Variants in UNC13A observed in about 807,000 individuals in gnomAD.
UNC13A encodes the protein unc-13 homolog A, also known as protein unc-13 homolog A.
A neutral mutation model predicts 219.7 loss-of-function variants in UNC13A; 61 were observed. That is an observed-to-expected ratio of 0.28 (90% CI 0.23 to 0.34). UNC13A has a LOEUF of 0.34. Among genes scored for constraint, UNC13A ranks in the 10% least tolerant of loss-of-function variants. UNC13A has a pLI of 1.00. For synonymous variants in UNC13A, 920 were observed against 884.6 expected, an observed-to-expected ratio of 1.04 and a Z score of -0.71; for missense variants, 1,476 against 2,270.3, an observed-to-expected ratio of 0.65 and a Z score of 7.11.
intron 21 of UNC13A, 95 bp downstream of exon 21, chr19:17,641,298 G>C: frequency 1.3e-6 from 2 of 1,498,510 alleles, no homozygotes; most frequent in Non-Finnish European, 1.8e-6. Flanking sequence ...CTTCCTCTCT[G>C]GGTCTTCCCC....
intron 7 of UNC13A, among the ~76,000 whole-genome samples, chr19:17,663,887 C>T (rs902518964): frequency 6.6e-6 from 1 of 151,988 alleles, no homozygotes; most frequent in Non-Finnish European, 1.5e-5. Context: ...CCTCCAATTT[C>T]CAAGCTCAAG....
At chr19:17,639,033 C>T in intron 25 of UNC13A, 50 bp downstream of exon 25, 1 of 1,525,470 alleles carries the variant, frequency 6.6e-7, no homozygotes, top group East Asian at 2.5e-5. Context: ...GGACTGAAGC[C>T]TGTGTCTAGT....
intron 8 of UNC13A, among the ~76,000 whole-genome samples, chr19:17,661,194 C>T (rs2079545560): frequency 6.6e-6 from 1 of 151,794 alleles, no homozygotes; most frequent in Non-Finnish European, 1.5e-5. Flanking sequence ...CCGCCTCAGC[C>T]TCCCAAAGTG....
At chr19:17,653,959 TG>T (rs2079402092) in intron 11 of UNC13A, among the ~76,000 whole-genome samples, 1 of 151,770 alleles carries the variant, frequency 6.6e-6, no homozygotes, top group South Asian at 2.1e-4. Flanking sequence ...CCCGAGTAGC[TG>T]GGACTACAGG....
Position 17,655,363 on chromosome 19 carries a change from C to T in UNC13A, c.1303G>A (p.Glu435Lys), listed in dbSNP as rs1318118345. The change falls in exon 11 of 44, where the codon GAG becomes AAG. Residue 435 changes from glutamate (E) to lysine (K), a missense_variant. Physicochemically the swap from Glu to Lys is moderately conservative, Grantham distance 56. Coordinates refer to ENST00000519716, the MANE Select transcript of UNC13A (RefSeq NM_001080421.3). ...GAGTCCTGCCCCTCCTGGCCTTCCT[C>T]ATCCTCTCTCGGCCTGAAACTGAGG... The part of the protein sequence containing the change: ...DEESFRPRED[E>K]EGQEGQDSMS... The T allele has an allele frequency of 1.9e-6, 3 of 1,585,740 alleles. No homozygotes were observed. Among genetic ancestry groups the T allele is most frequent in the Non-Finnish European group, 1.7e-6 (2 of 1,166,350 alleles).
At chr19:17,669,723 C>G (rs998712826) in intron 4 of UNC13A, 47 bp from the exon 5 acceptor site, 30 of 1,565,386 alleles carry the variant, frequency 1.9e-5, no homozygotes, top group Middle Eastern at 3.7e-4. Context: ...CTGCTGGTCA[C>G]TAGTCCCCAG....
Position 17,639,070 on chromosome 19 carries a change from T to A in UNC13A, c.3081+13A>T, listed in dbSNP as rs2076940543. ...GGCATCACTGTTCCCTTCTGACCCA[T>A]CTGGAGTCTCACCGGGTCTGTCTGG... is the stretch of plus-strand genomic sequence containing the variant. On this transcript the variant is annotated intron_variant, in intron 25 of 43. Coordinates refer to ENST00000519716, the MANE Select transcript of UNC13A (RefSeq NM_001080421.3). The A allele has an allele frequency of 6.4e-7, 1 of 1,573,752 alleles. No individual in the cohort carries two copies. The highest frequency in any genetic ancestry group is 8.6e-7 in the Non-Finnish European group (1 of 1,159,116).
intron 42 of UNC13A, among the ~76,000 whole-genome samples, chr19:17,610,645 A>C (rs1237700924): frequency 6.6e-6 from 1 of 152,214 alleles, no homozygotes; most frequent in Non-Finnish European, 1.5e-5. Flanking sequence ...CTTAAAAGGC[A>C]GGGAGTGAAC....
intron 25 of UNC13A, among the ~76,000 whole-genome samples, chr19:17,637,172 G>A (rs566909597): frequency 5.3e-5 from 8 of 151,812 alleles, no homozygotes; most frequent in Non-Finnish European, 1.0e-4. Flanking sequence ...ATAGGGTCTC[G>A]CTATGTTGCC....
intron 12 of UNC13A, among the ~76,000 whole-genome samples, 167 bp downstream of exon 12, chr19:17,652,464 C>T (rs572887251): frequency 1.3e-5 from 2 of 152,232 alleles, no homozygotes; most frequent in South Asian, 2.1e-4. Context: ...TTTGTGTCTG[C>T]GTATGGCTGT....
rs144699654 is a variant in UNC13A, at chr19:17,658,389, G to A, written c.560-120C>T. ...GAAGAAGAGAATTTTTTACTAGTAT[G>A]GATAAAGAATTGTGGGTCATGTTAA... On this transcript the variant is annotated intron_variant, in intron 8 of 43. Transcript: ENST00000519716. 4.2e-5 allele frequency: 39 copies of A among 927,244 alleles called. No homozygotes were observed. The African/African-American group carries it at 5.9e-4, about 14-fold the overall frequency. The allele number at this position is 927,244 out of a possible 1,614,324, so 57.4% of individuals were successfully genotyped here.
At position 17,656,407 on chromosome 19, in the gene UNC13A, A is replaced by G. The variant is rs753265889; in HGVS notation, c.768-9T>C. The G allele has an allele frequency of 1.8e-5, 27 of 1,510,598 alleles. No homozygotes were observed. In the African/African-American group the frequency reaches 3.4e-4, roughly 19 times the overall value. 93.6% of individuals were successfully genotyped at this position (1,510,598 alleles called of 1,614,324 possible). ...GGCTGCTACCCGTGGGGCTGTGGGG[A>G]TGGAACAGGGTTCAGGGACTGGGGT... On this transcript the variant is annotated splice_polypyrimidine_tract_variant and intron_variant, in intron 9 of 43. Transcript: ENST00000519716.
At chr19:17,663,598 G>A (rs1248850269) in intron 7 of UNC13A, 31 bp from the exon 8 acceptor site, 1 of 1,595,336 alleles carries the variant, frequency 6.3e-7, no homozygotes, top group Admixed American at 1.8e-5. Flanking sequence ...AATAATAAAA[G>A]GGAGCAGACA....
intron 1 of UNC13A, among the ~76,000 whole-genome samples, chr19:17,687,328 TC>T (rs1263724631): frequency 6.6e-6 from 1 of 151,872 alleles, no homozygotes; most frequent in East Asian, 1.9e-4. Context: ...TCTCCCTCCC[TC>T]CCTCTCTCCA....
At chr19:17,641,589 G>T in intron 20 of UNC13A, 33 bp from the exon 21 acceptor site, 1 of 1,603,258 alleles carries the variant, frequency 6.2e-7, no homozygotes, top group Non-Finnish European at 8.5e-7. Flanking sequence ...GTCATGGAGA[G>T]TGCAAGGGGT....
At chr19:17,663,384 G>T in intron 8 of UNC13A, 148 bp downstream of exon 8, 1 of 714,418 alleles carries the variant, frequency 1.4e-6, no homozygotes, top group Middle Eastern at 3.8e-4. Flanking sequence ...AGGAAAGCTT[G>T]AAAGGGGTCT....
chr19:17,610,115 G>C lies in UNC13A; in HGVS notation c.4652-16C>G. The stretch of plus-strand genomic sequence containing the variant: ...GCAGCCACCACTGTTGGAGGAAGTA[G>C]AGGGTAAGACAGGTCAGGTTCTCCC... On this transcript the variant is annotated splice_polypyrimidine_tract_variant and intron_variant, in intron 42 of 43. Coordinates refer to ENST00000519716, the MANE Select transcript of UNC13A (RefSeq NM_001080421.3). The C allele has an allele frequency of 6.2e-6, 10 of 1,613,970 alleles. No homozygotes were observed. Among genetic ancestry groups the C allele is most frequent in the Non-Finnish European group, 8.5e-6 (10 of 1,179,870 alleles).
intron 20 of UNC13A, among the ~76,000 whole-genome samples, chr19:17,642,423 C>T (rs1430945851): frequency 6.6e-6 from 1 of 152,240 alleles, no homozygotes; most frequent in African/African-American, 2.4e-5. Context: ...CCCATCTCTC[C>T]ATCCATCCTT....
At position 17,649,556 on chromosome 19, in the gene UNC13A, T is replaced by G. The variant is rs1475341054; in HGVS notation, c.1471A>C (p.Met491Leu). The change falls in exon 13 of 44, where the codon ATG becomes CTG. Residue 491 changes from methionine to leucine, a missense_variant. By Grantham distance (15) the Met-to-Leu change is conservative. Coordinates refer to ENST00000519716, the MANE Select transcript of UNC13A (RefSeq NM_001080421.3). This position sits in a 1 kb window ranked among gnomAD's most constrained non-coding sequence, Gnocchi z 4.4. ...PGGGLIIIDS[M>L]PDIRKRKPIP... is the part of the protein sequence containing the mutation. ...GGTTTCCTCTTGCGGATGTCTGGCA[T>G]GCTGTCGATGATGATGAGACCGCCC... 8.7e-6 allele frequency: 14 copies of G among 1,613,892 alleles called. No individual in the cohort carries two copies. The highest frequency in any genetic ancestry group is 1.2e-5 in the Non-Finnish European group (14 of 1,179,860).
Sources: allele counts gnomAD v4.1 joint callset (sites outside exome capture counted in the v4.1 genomes callset), GRCh38; gene constraint gnomAD v4.1.1; non-coding constraint Gnocchi (gnomAD v3.1); transcripts MANE v1.5; gene names NCBI Gene and HGNC (gene_info 2026-07-23, HGNC 2026-07-21).